The following ADGB variants were observed in gnomAD, a reference collection of about 807,000 sequenced individuals.
ADGB encodes androglobin.
In ADGB, 172 loss-of-function variants were observed where a neutral mutation model predicts 210.5. The observed-to-expected ratio is 0.82, with a 90% confidence interval of 0.72 to 0.93. The LOEUF (loss-of-function observed/expected upper bound fraction) is 0.93. Ranked by LOEUF, ADGB falls within the 40% of genes least tolerant of loss-of-function variation. The pLI is 0.00. For missense variants in ADGB, 2,025 were observed against 1,964.8 expected, an observed-to-expected ratio of 1.03 and a Z score of -0.58; for synonymous variants, 658 against 662.7, an observed-to-expected ratio of 0.99 and a Z score of 0.11.
chr6:146,776,723 A>G (rs1777727128), intron 29 of ADGB, among the ~76,000 whole-genome samples: 2 of 152,154 alleles, frequency 1.3e-5, no homozygotes, highest in South Asian at 4.1e-4. Flanking sequence ...GCAGCTTGAG[A>G]TTCAATTTCA....
At chr6:146,728,503 G>T (rs893587987) in intron 19 of ADGB, 71 bp from the exon 20 acceptor site, 4 of 1,363,984 alleles carry the variant, frequency 2.9e-6, no homozygotes, top group African/African-American at 1.5e-5. Context: ...TATTTTAACA[G>T]ATATTAATTT....
At chr6:146,671,391 C>A (rs753032133) in intron 7 of ADGB, among the ~76,000 whole-genome samples, 1 of 152,102 alleles carries the variant, frequency 6.6e-6, no homozygotes, top group African/African-American at 2.4e-5. Context: ...TAGTATCCAA[C>A]GGACACTGTG....
intron 35 of ADGB, among the ~76,000 whole-genome samples, chr6:146,812,704 A>G (rs1406422294): frequency 6.6e-6 from 1 of 152,226 alleles, no homozygotes; most frequent in African/African-American, 2.4e-5. Context: ...GTGAAATCTA[A>G]CAGACTTTAG....
chr6:146,609,202 C>T lies in ADGB; in HGVS notation c.74+10088C>T, dbSNP rs571521354. Among the ~76,000 whole-genome samples, 204 of 152,198 alleles carry T rather than the reference C, an allele frequency of 1.3e-3. 1 individual carries two copies. Among genetic ancestry groups the T allele is most frequent in the African/African-American group, 4.8e-3 (200 of 41,538 alleles). Reference sequence around the variant, plus strand: ...TAAGAATAGCAACTTTTGCTCTTTTCAGTTTTCTATTTGCTTGATAGATCT... The same window carrying T: ...TAAGAATAGCAACTTTTGCTCTTTTTAGTTTTCTATTTGCTTGATAGATCT... On this transcript the variant is annotated intron_variant, in intron 1 of 35. Coordinates refer to ENST00000397944, the MANE Select transcript of ADGB (RefSeq NM_024694.4).
At chr6:146,749,531 A>C (rs1471547711) in intron 26 of ADGB, among the ~76,000 whole-genome samples, 3 of 152,174 alleles carry the variant, frequency 2.0e-5, no homozygotes, top group Non-Finnish European at 4.4e-5. Context: ...TCCAGTCAAC[A>C]CTGTCAAGTT....
chr6:146,742,517 T>A (rs1470801166), intron 25 of ADGB, among the ~76,000 whole-genome samples: 1 of 152,184 alleles, frequency 6.6e-6, no homozygotes, highest in Non-Finnish European at 1.5e-5. Context: ...TATCTATATT[T>A]GGAATTATAC....
chr6:146,699,469 G>C (rs888044502), intron 12 of ADGB, among the ~76,000 whole-genome samples: 1 of 152,118 alleles, frequency 6.6e-6, no homozygotes, highest in Admixed American at 6.6e-5. Context: ...CCTTTCCTCT[G>C]TCACTTTCTT....
intron 35 of ADGB, among the ~76,000 whole-genome samples, chr6:146,808,135 G>A (rs1010281008): frequency 6.6e-6 from 1 of 151,244 alleles, no homozygotes; most frequent in Non-Finnish European, 1.5e-5. Flanking sequence ...GAGTAGCTCT[G>A]ATTACAGGCA....
At chr6:146,627,791 G>A (rs993919203) in intron 1 of ADGB, among the ~76,000 whole-genome samples, 1 of 152,022 alleles carries the variant, frequency 6.6e-6, no homozygotes, top group Admixed American at 6.6e-5. Context: ...AGTATACCTT[G>A]CTGTCCCCCA....
intron 35 of ADGB, among the ~76,000 whole-genome samples, chr6:146,811,359 T>A (rs1181035754): frequency 6.6e-6 from 1 of 152,106 alleles, no homozygotes; most frequent in Non-Finnish European, 1.5e-5. Flanking sequence ...CTGTGTAACA[T>A]TCCATGGTAC....
At chr6:146,723,488 C>T (rs1776850099) in intron 17 of ADGB, among the ~76,000 whole-genome samples, 1 of 152,142 alleles carries the variant, frequency 6.6e-6, no homozygotes, top group Non-Finnish European at 1.5e-5. Flanking sequence ...GTAATCCCAG[C>T]ACTTTGGGAG....
intron 29 of ADGB, among the ~76,000 whole-genome samples, chr6:146,774,987 G>A (rs928178280): frequency 6.6e-6 from 1 of 152,192 alleles, no homozygotes; most frequent in East Asian, 1.9e-4. Context: ...TGGTGAGGCT[G>A]ATCTCAAATT....
intron 1 of ADGB, among the ~76,000 whole-genome samples, chr6:146,601,302 T>C (rs1275164474): frequency 1.3e-5 from 2 of 152,212 alleles, no homozygotes; most frequent in Non-Finnish European, 2.9e-5. Flanking sequence ...AATGTATGCA[T>C]ACATTTATGA....
intron 5 of ADGB, among the ~76,000 whole-genome samples, chr6:146,663,838 TGTTAA>T (rs923062011): frequency 6.8e-4 from 103 of 152,238 alleles, no homozygotes; most frequent in African/African-American, 2.4e-3. Context: ...ATTTTGACTA[TGTTAA>T]GTTATTTGAT....
intron 35 of ADGB, chr6:146,803,040 A>T (rs1778155381): frequency 4.4e-6 from 7 of 1,578,392 alleles, no homozygotes; most frequent in Non-Finnish European, 6.1e-6. Context: ...TAGTGACTTT[A>T]CTAGAAGCAA....
intron 35 of ADGB, among the ~76,000 whole-genome samples, chr6:146,809,795 C>CTG (rs1200785161): frequency 6.6e-6 from 1 of 152,052 alleles, no homozygotes; most frequent in African/African-American, 2.4e-5. Flanking sequence ...TTGCCCTATG[C>CTG]TATACAAAAA....
intron 33 of ADGB, among the ~76,000 whole-genome samples, chr6:146,789,103 A>G (rs1441581045): frequency 6.6e-6 from 1 of 152,196 alleles, no homozygotes; most frequent in African/African-American, 2.4e-5. Flanking sequence ...ACTAAACTGA[A>G]CTAAAACCCT....
rs542529318 is a variant in ADGB, at chr6:146,729,805, T to C, written c.2520+1064T>C. Among the ~76,000 whole-genome samples the C allele has an allele frequency of 4.0e-5, 6 of 151,324 alleles. No homozygotes were observed. The South Asian group carries it at 1.2e-3, about 31-fold the overall frequency. ...TGTATATGTCTAGGAATTTGTCCTT[T>C]TCTTCTGGGTTATCCAACTTGTTGG... On this transcript the variant is annotated intron_variant, in intron 20 of 35. Coordinates refer to ENST00000397944, the MANE Select transcript of ADGB (RefSeq NM_024694.4).
At chr6:146,675,400 G>A (rs1308918414) in intron 8 of ADGB, among the ~76,000 whole-genome samples, 1 of 152,040 alleles carries the variant, frequency 6.6e-6, no homozygotes, top group African/African-American at 2.4e-5. Flanking sequence ...GCCTGAGCCT[G>A]GGAGGTCAAT....
Sources: allele counts gnomAD v4.1 joint callset (sites outside exome capture counted in the v4.1 genomes callset), GRCh38; gene constraint gnomAD v4.1.1; transcripts MANE v1.5; gene names NCBI Gene and HGNC (gene_info 2026-07-23, HGNC 2026-07-21).